SLC7A14: variants seen among roughly 807,000 people sequenced by gnomAD.
SLC7A14 encodes the protein solute carrier family 7 member 14.
In SLC7A14, 37 loss-of-function variants were observed where a neutral mutation model predicts 60.2. The ratio of observed to expected loss-of-function variants is 0.61; its 90% CI spans 0.47 to 0.81. SLC7A14 has a LOEUF of 0.81. Ranked by LOEUF, SLC7A14 falls within the 30% of genes least tolerant of loss-of-function variation. SLC7A14 has a pLI of 0.00. For synonymous variants in SLC7A14, 399 were observed against 395.8 expected (o/e 1.01, Z -0.10); for missense variants, 886 against 982.7 (o/e 0.90, Z 1.32).
chr3:170,549,265 A>T (rs1329146473), intron 1 of SLC7A14, among the ~76,000 whole-genome samples: 1 of 145,614 alleles, frequency 6.9e-6, no homozygotes, highest in Non-Finnish European at 1.5e-5. Flanking sequence ...GCCAGACTAG[A>T]GTGCAGTGGC....
chr3:170,519,179 AG>A (rs1713261186), intron 2 of SLC7A14, among the ~76,000 whole-genome samples: 1 of 152,162 alleles, frequency 6.6e-6, no homozygotes, highest in Non-Finnish European at 1.5e-5. Flanking sequence ...AGATTTACTG[AG>A]GGGGACCTTA....
intron 1 of SLC7A14, among the ~76,000 whole-genome samples, chr3:170,572,542 A>T (rs1714986186): frequency 6.6e-6 from 1 of 152,206 alleles, no homozygotes; most frequent in Admixed American, 6.5e-5. Context: ...AGATGATAGT[A>T]CTCAAATGAC....
intron 7 of SLC7A14, among the ~76,000 whole-genome samples, chr3:170,469,829 C>T (rs1353915322): frequency 6.6e-6 from 1 of 152,076 alleles, no homozygotes; most frequent in Non-Finnish European, 1.5e-5. Flanking sequence ...CCCTACTGAA[C>T]TTAATACCAT....
At chr3:170,479,326 G>A (rs1711735917) in intron 7 of SLC7A14, among the ~76,000 whole-genome samples, 2 of 152,142 alleles carry the variant, frequency 1.3e-5, no homozygotes, top group South Asian at 2.1e-4. Flanking sequence ...TTACCAAGTT[G>A]TTCAGAGGAC....
At position 170,480,409 on chromosome 3, in the gene SLC7A14, G is replaced by A; in HGVS notation, c.1873C>T (p.Leu625=). The A allele has an allele frequency of 1.2e-6, 2 of 1,613,452 alleles. No homozygotes were observed. Among genetic ancestry groups the A allele is most frequent in the South Asian group, 1.1e-5 (1 of 90,996 alleles). ...GGGAGGCAAGGGGCCATGTAGGGCA[G>A]CTTCTTGGGGTTCTCTGGCTGCTGC... The part of the protein sequence containing the change: ...ILQQPENPKK[L]PYMAPCLPFV... Residue 625 remains leucine (L), a synonymous_variant, in exon 7 of 8, where the codon CTG becomes TTG. Transcript: ENST00000231706.
At chr3:170,566,280 G>A (rs754821400) in intron 1 of SLC7A14, among the ~76,000 whole-genome samples, 30 of 152,066 alleles carry the variant, frequency 2.0e-4, no homozygotes, top group Non-Finnish European at 3.1e-4. Flanking sequence ...CCCTTTTACC[G>A]TAAGTGGAGG....
intron 1 of SLC7A14, among the ~76,000 whole-genome samples, chr3:170,575,769 A>G (rs1715072264): frequency 6.6e-6 from 1 of 152,200 alleles, no homozygotes; most frequent in Non-Finnish European, 1.5e-5. Context: ...CAACTGTAAT[A>G]CATAGGGAAA....
intron 1 of SLC7A14, among the ~76,000 whole-genome samples, chr3:170,539,012 T>C (rs539990870): frequency 2.6e-4 from 40 of 152,372 alleles, no homozygotes; most frequent in South Asian, 1.5e-3. Context: ...TCAATTGCCT[T>C]GTGCAGATTG....
intron 1 of SLC7A14, among the ~76,000 whole-genome samples, chr3:170,553,888 T>C (rs551348701): frequency 1.3e-5 from 2 of 152,090 alleles, no homozygotes; most frequent in South Asian, 4.2e-4. Flanking sequence ...TTTAATATTA[T>C]CTTTTTTTTC....
chr3:170,538,537 G>A (rs150757106), intron 1 of SLC7A14, among the ~76,000 whole-genome samples: 13 of 152,222 alleles, frequency 8.5e-5, no homozygotes, highest in African/African-American at 1.4e-4. Context: ...GTCGATATAC[G>A]TTATTATACA....
intron 1 of SLC7A14, among the ~76,000 whole-genome samples, chr3:170,556,138 A>T (rs1714480299): frequency 6.6e-6 from 1 of 152,204 alleles, no homozygotes; most frequent in Admixed American, 6.5e-5. Context: ...TCTTTTGTAA[A>T]ATGAAGGTGT....
At chr3:170,559,727 C>G (rs914209312) in intron 1 of SLC7A14, among the ~76,000 whole-genome samples, 1 of 152,226 alleles carries the variant, frequency 6.6e-6, no homozygotes, top group African/African-American at 2.4e-5. Flanking sequence ...CTGTCACTCT[C>G]TCTTCCTTTC....
At position 170,512,812 on chromosome 3, in the gene SLC7A14, C is replaced by T. The variant is rs951604940; in HGVS notation, c.305-11467G>A. 8.6e-5 allele frequency among the ~76,000 whole-genome samples: 13 copies of T among 151,564 alleles called. 1 individual carries two copies. The highest frequency in any genetic ancestry group is 1.9e-4 in the African/African-American group (8 of 41,256). On this transcript the variant is annotated intron_variant, in intron 2 of 7. Transcript: ENST00000231706. ...CCAAGTAGCTGGGACTACAGGCGCC[C>T]GCCACTACGCCCGGCTAATTTTTTG...
At chr3:170,495,621 G>A (rs1712362113) in intron 4 of SLC7A14, 2 of 793,046 alleles carry the variant, frequency 2.5e-6, no homozygotes, top group Non-Finnish European at 4.6e-6. Flanking sequence ...CAGCGGCATA[G>A]GAGGCATCAC....
At chr3:170,581,701 G>A (rs77161061) in intron 1 of SLC7A14, among the ~76,000 whole-genome samples, 250 of 152,190 alleles carry the variant, frequency 1.6e-3, no homozygotes, top group Middle Eastern at 6.8e-3. Flanking sequence ...ATAAACCATT[G>A]CAGATTCAAT....
intron 1 of SLC7A14, among the ~76,000 whole-genome samples, chr3:170,542,063 T>C (rs1378955647): frequency 1.3e-5 from 2 of 152,256 alleles, no homozygotes; most frequent in Non-Finnish European, 2.9e-5. Flanking sequence ...ATTAGCTTTC[T>C]TTCCACTTTG....
intron 1 of SLC7A14, among the ~76,000 whole-genome samples, chr3:170,584,251 A>G (rs1048036738): frequency 6.6e-6 from 1 of 152,202 alleles, no homozygotes; most frequent in African/African-American, 2.4e-5. Context: ...AGCGATCTTT[A>G]TCTAGAGCAT....
intron 1 of SLC7A14, among the ~76,000 whole-genome samples, chr3:170,533,690 GTGCACGCACACACA>G (rs1463234761): frequency 1.4e-3 from 219 of 152,132 alleles, no homozygotes; most frequent in African/African-American, 4.3e-3. Flanking sequence ...GTGTGTGTGT[GTGCACGCACACACA>G]TGTGTGCACA....
chr3:170,496,130 G>A, intron 4 of SLC7A14: 1 of 983,970 alleles, frequency 1.0e-6, no homozygotes, highest in Admixed American at 1.7e-5. Flanking sequence ...AGGAGATCCA[G>A]GAGCTGCAGT....
Sources: gnomAD v4.1 joint callset for allele counts (sites outside exome capture counted in the v4.1 genomes callset) on GRCh38, gnomAD v4.1.1 for gene constraint, MANE v1.5 for transcripts, NCBI Gene and HGNC (gene_info 2026-07-23, HGNC 2026-07-21) for gene names.